Variants in ARB2A observed in about 807,000 individuals in gnomAD.
ARB2A encodes cotranscriptional regulator ARB2A.
chr5:93,993,742 C>A, the ARB2A span, among the ~76,000 whole-genome samples: 1 of 151,414 alleles, frequency 6.6e-6, no homozygotes, highest in African/African-American at 2.4e-5. Context: ...TAGAAAATTT[C>A]CAGTAAGAAC....
chr5:93,621,626 C>T, the ARB2A span, among the ~76,000 whole-genome samples: 2 of 152,202 alleles, frequency 1.3e-5, no homozygotes, highest in Non-Finnish European at 2.9e-5. Context: ...CGTGCGGGAT[C>T]GCACAGCGCC....
chr5:93,976,531 G>A, the ARB2A span, among the ~76,000 whole-genome samples: 3 of 152,100 alleles, frequency 2.0e-5, no homozygotes, highest in Admixed American at 1.3e-4. Context: ...TACATTATGG[G>A]GACAGTTTCC....
At chr5:93,732,587 A>T in the ARB2A span, among the ~76,000 whole-genome samples, 2 of 141,818 alleles carry the variant, frequency 1.4e-5, no homozygotes, top group Admixed American at 7.1e-5. Flanking sequence ...GCCTCTGATT[A>T]AAAAAAAAAA....
the ARB2A span, chr5:93,683,370 C>T: frequency 7.5e-6 from 12 of 1,599,714 alleles, 1 homozygote; most frequent in South Asian, 1.1e-4. Flanking sequence ...TCCACAGCTA[C>T]TAAGTGCTGT....
chr5:93,620,321 T>C, the ARB2A span: 1 of 152,174 alleles, frequency 6.6e-6, no homozygotes, highest in Non-Finnish European at 1.5e-5. Flanking sequence ...GCGGATTCAG[T>C]ACTTTATAGA....
At chr5:93,963,374 T>A in the ARB2A span, among the ~76,000 whole-genome samples, 1 of 152,018 alleles carries the variant, frequency 6.6e-6, no homozygotes, top group Non-Finnish European at 1.5e-5. Context: ...TAATATTTTA[T>A]TGACTAATCC....
chr5:93,686,617 T>C, the ARB2A span, among the ~76,000 whole-genome samples: 1 of 152,218 alleles, frequency 6.6e-6, no homozygotes, highest in Non-Finnish European at 1.5e-5. Flanking sequence ...TGCTGGAAGA[T>C]CATGGTCCAA....
the ARB2A span, chr5:93,741,233 G>C: frequency 1.9e-6 from 3 of 1,613,886 alleles, no homozygotes; most frequent in Non-Finnish European, 2.5e-6. Context: ...GGCAACTTCG[G>C]AATGCTCCGC....
chr5:93,715,293 T>C, the ARB2A span, among the ~76,000 whole-genome samples: 1 of 152,216 alleles, frequency 6.6e-6, no homozygotes, highest in African/African-American at 2.4e-5. Context: ...TAGCTAAATT[T>C]TTTTAAAGCA....
At chr5:93,950,998 A>T in the ARB2A span, among the ~76,000 whole-genome samples, 1 of 151,748 alleles carries the variant, frequency 6.6e-6, no homozygotes, top group Non-Finnish European at 1.5e-5. Context: ...ATAGTATATA[A>T]ATAAAATAAA....
the ARB2A span, among the ~76,000 whole-genome samples, chr5:93,771,241 T>C: frequency 6.6e-6 from 1 of 151,706 alleles, no homozygotes; most frequent in Non-Finnish European, 1.5e-5. Context: ...CTGGGAAAAC[T>C]GGCTAGCCAT....
At chr5:93,643,205 C>T in the ARB2A span, among the ~76,000 whole-genome samples, 3 of 152,088 alleles carry the variant, frequency 2.0e-5, no homozygotes, top group Non-Finnish European at 2.9e-5. Flanking sequence ...CTGCTATTTC[C>T]GGATACATCA....
the ARB2A span, among the ~76,000 whole-genome samples, chr5:93,949,340 A>C: frequency 2.6e-5 from 4 of 152,074 alleles, no homozygotes; most frequent in South Asian, 2.1e-4. Context: ...AGACGGGCAG[A>C]TGACAAGGTC....
chr5:93,920,086 T>C, the ARB2A span, among the ~76,000 whole-genome samples: 1 of 152,194 alleles, frequency 6.6e-6, no homozygotes, highest in African/African-American at 2.4e-5. Flanking sequence ...GATTCTCTGT[T>C]GTTTTATTGA....
chr5:93,811,577 C>CTATT, the ARB2A span, among the ~76,000 whole-genome samples: 36 of 152,124 alleles, frequency 2.4e-4, 1 homozygote, highest in Admixed American at 1.9e-3. Flanking sequence ...GTACAATACA[C>CTATT]TATTTATTTA....
chr5:93,812,280 A>G, the ARB2A span, among the ~76,000 whole-genome samples: 1 of 152,134 alleles, frequency 6.6e-6, no homozygotes, highest in South Asian at 2.1e-4. Context: ...TATCAATGAT[A>G]ATTGGAACAG....
chr5:94,044,502 A>G, the ARB2A span, among the ~76,000 whole-genome samples: 72 of 152,230 alleles, frequency 4.7e-4, no homozygotes, highest in South Asian at 8.7e-3. Context: ...AGCCTGAAGA[A>G]GTTATAGAAG....
chr5:94,083,908 T>A, the ARB2A span, among the ~76,000 whole-genome samples: 17 of 152,162 alleles, frequency 1.1e-4, no homozygotes, highest in East Asian at 1.4e-3. Context: ...TTATATTTTT[T>A]AAAAAAATTG....
At chr5:93,860,205 A>C in the ARB2A span, among the ~76,000 whole-genome samples, 5 of 152,328 alleles carry the variant, frequency 3.3e-5, no homozygotes, top group African/African-American at 1.2e-4. Context: ...AGGCAGGAGA[A>C]TCACATGAAC....
Sources: gnomAD v4.1 joint callset for allele counts (sites outside exome capture counted in the v4.1 genomes callset) on GRCh38, gnomAD v4.1.1 for gene constraint, MANE v1.5 for transcripts, NCBI Gene and HGNC (gene_info 2026-07-23, HGNC 2026-07-21) for gene names.